The following UIMC1 variants were observed in gnomAD, a reference collection of about 807,000 sequenced individuals.
UIMC1 encodes ubiquitin interaction motif containing 1.
Under a neutral mutation model 84.9 loss-of-function variants are expected in UIMC1, and 42 were observed. The observed-to-expected ratio is 0.49, with a 90% CI of 0.39 to 0.64. UIMC1 has a LOEUF of 0.64. Ranked by LOEUF, UIMC1 falls within the 30% of genes least tolerant of loss-of-function variation. The probability of loss-of-function intolerance (pLI) is 0.00; values close to 1 mark genes in which losing one functional copy is unlikely to be tolerated. For synonymous variants in UIMC1, 281 were observed against 293.0 expected (o/e 0.96, Z 0.42); for missense variants, 825 against 847.6 (o/e 0.97, Z 0.33).
chr5:176,935,889 T>C (rs541251197), intron 10 of UIMC1, among the ~76,000 whole-genome samples: 1 of 152,236 alleles, frequency 6.6e-6, no homozygotes, highest in Admixed American at 6.5e-5. Flanking sequence ...CACCATTATT[T>C]TTCCAGGAGA....
chr5:176,927,188 C>T (rs1264897003), intron 10 of UIMC1, among the ~76,000 whole-genome samples: 1 of 139,418 alleles, frequency 7.2e-6, no homozygotes, highest in African/African-American at 2.7e-5. Context: ...CATAATAAGA[C>T]ACCATTTCTT....
Position 176,927,913 on chromosome 5 carries a change from G to A in UIMC1, c.1597+15422C>T, listed in dbSNP as rs1281299245. ...GTTGCCCAGGCTGGAGTGAAATGGT[G>A]CAATCTCAGCTCACTGCAACCTCTG... On this transcript the variant is annotated intron_variant, in intron 10 of 14. Transcript: ENST00000511320. 2.7e-5 allele frequency among the ~76,000 whole-genome samples: 4 copies of A among 149,526 alleles called. No individual in the cohort carries two copies. In the East Asian group the frequency reaches 7.9e-4, roughly 29 times the overall value.
At chr5:176,970,980 T>C (rs1001646549) in intron 3 of UIMC1, 114 bp from the exon 4 acceptor site, 1 of 1,332,022 alleles carries the variant, frequency 7.5e-7, no homozygotes, top group Non-Finnish European at 1.0e-6. Flanking sequence ...GACCACTTAG[T>C]ACAATTTTAT....
chr5:176,997,503 T>C (rs976099563), intron 1 of UIMC1, among the ~76,000 whole-genome samples: 9 of 152,072 alleles, frequency 5.9e-5, no homozygotes, highest in African/African-American at 2.2e-4. Flanking sequence ...GCTCACACAG[T>C]GAAACCCCGT....
At position 176,990,249 on chromosome 5, in the gene UIMC1, A is replaced by G. The variant is rs994857789; in HGVS notation, c.-8-7626T>C. ...AAGTCATGAAGACACAGCACTCATG[A>G]ATGGGACTAGTGCCCTTATAAGAGA... On this transcript the variant is annotated intron_variant, in intron 1 of 14. Coordinates refer to ENST00000511320, the MANE Select transcript of UIMC1 (RefSeq NM_001199298.2). Among the ~76,000 whole-genome samples, 5 of 151,650 alleles carry G rather than the reference A, an allele frequency of 3.3e-5. 1 individual carries two copies. The highest frequency in any genetic ancestry group is 1.2e-4 in the African/African-American group (5 of 41,284).
chr5:176,929,543 G>A (rs557879487), intron 10 of UIMC1, among the ~76,000 whole-genome samples: 34 of 152,230 alleles, frequency 2.2e-4, no homozygotes, highest in Non-Finnish European at 4.3e-4. Flanking sequence ...CTCCAGCCTG[G>A]GTGAGAGAGT....
At chr5:176,992,022 T>C (rs146267926) in intron 1 of UIMC1, among the ~76,000 whole-genome samples, 75 of 152,130 alleles carry the variant, frequency 4.9e-4, no homozygotes, top group African/African-American at 1.8e-3. Context: ...CTTGAGAGGC[T>C]AAAGTGGCAT....
chr5:176,923,779 G>A (rs1048573056), intron 10 of UIMC1, among the ~76,000 whole-genome samples: 9 of 146,980 alleles, frequency 6.1e-5, no homozygotes, highest in Admixed American at 4.1e-4. Flanking sequence ...CAAGAGAATC[G>A]CTTGAACCCA....
chr5:176,937,947 T>G (rs199806300), intron 10 of UIMC1, among the ~76,000 whole-genome samples: 1 of 152,026 alleles, frequency 6.6e-6, no homozygotes, highest in Non-Finnish European at 1.5e-5. Context: ...TCCCAGCACT[T>G]TGGGAGGCCA....
intron 1 of UIMC1, among the ~76,000 whole-genome samples, chr5:176,984,981 G>A (rs1428131970): frequency 1.3e-5 from 2 of 151,988 alleles, no homozygotes; most frequent in African/African-American, 4.8e-5. Context: ...CTCTGCCTAG[G>A]AAAACCAGAG....
chr5:176,943,018 C>T (rs1044335213), intron 10 of UIMC1, among the ~76,000 whole-genome samples: 3 of 152,070 alleles, frequency 2.0e-5, no homozygotes, highest in Non-Finnish European at 4.4e-5. Flanking sequence ...GCCAAGATCG[C>T]GCCACTGCAA....
intron 11 of UIMC1, among the ~76,000 whole-genome samples, chr5:176,909,861 C>T (rs2149388528): frequency 6.6e-6 from 1 of 152,284 alleles, no homozygotes; most frequent in Middle Eastern, 3.4e-3. Flanking sequence ...CAGACTTTAT[C>T]ACTTCTAGCT....
At chr5:176,993,180 C>CAAA (rs71299776) in intron 1 of UIMC1, among the ~76,000 whole-genome samples, 40 of 127,640 alleles carry the variant, frequency 3.1e-4, no homozygotes, top group East Asian at 6.9e-4. Flanking sequence ...GACTCCATCT[C>CAAA]AAAAAAAAAA....
At chr5:176,985,606 A>G (rs985107414) in intron 1 of UIMC1, among the ~76,000 whole-genome samples, 3 of 151,918 alleles carry the variant, frequency 2.0e-5, no homozygotes, top group African/African-American at 7.3e-5. Flanking sequence ...TTTACCTACA[A>G]GTTTTTTTTC....
At chr5:177,009,185 T>C (rs1467564148), upstream of UIMC1, among the ~76,000 whole-genome samples, 4 of 149,118 alleles carry the variant, frequency 2.7e-5, no homozygotes, top group Non-Finnish European at 4.5e-5. The surrounding 1 kb of genome is among the most constrained non-coding windows in gnomAD (Gnocchi z 4.3). Flanking sequence ...TTTTCGTTGT[T>C]TTTTTGTGGA....
At chr5:176,912,647 T>A (rs1760392631) in intron 10 of UIMC1, among the ~76,000 whole-genome samples, 1 of 151,186 alleles carries the variant, frequency 6.6e-6, no homozygotes, top group South Asian at 2.1e-4. Context: ...TAATTTTTTA[T>A]ATTTGTATTT....
intron 3 of UIMC1, among the ~76,000 whole-genome samples, chr5:176,972,890 G>A (rs1769471254): frequency 1.3e-5 from 2 of 150,572 alleles, no homozygotes; most frequent in South Asian, 4.2e-4. Context: ...TACTATGAAT[G>A]ATTTTATACC....
chr5:177,000,727 C>T (rs188154064), intron 1 of UIMC1, among the ~76,000 whole-genome samples: 7 of 151,620 alleles, frequency 4.6e-5, no homozygotes, highest in Non-Finnish European at 1.0e-4. Flanking sequence ...CTCGAACTCC[C>T]GACCTCAGGT....
At chr5:176,928,542 A>C (rs765029934) in intron 10 of UIMC1, among the ~76,000 whole-genome samples, 1 of 152,234 alleles carries the variant, frequency 6.6e-6, no homozygotes, top group Non-Finnish European at 1.5e-5. Flanking sequence ...ATTAGCAACA[A>C]AAGCTTTTTG....
Sources: gnomAD v4.1 joint callset for allele counts (sites outside exome capture counted in the v4.1 genomes callset) on GRCh38, gnomAD v4.1.1 for gene constraint, Gnocchi (gnomAD v3.1) non-coding constraint, MANE v1.5 for transcripts, NCBI Gene and HGNC (gene_info 2026-07-23, HGNC 2026-07-21) for gene names.